The following ATP2B4 variants were observed in gnomAD, a reference collection of about 807,000 sequenced individuals.
ATP2B4 encodes the protein ATPase plasma membrane Ca2+ transporting 4.
Under a neutral mutation model 110.3 loss-of-function variants are expected in ATP2B4, and 39 were observed. The observed-to-expected ratio is 0.35, with a 90% CI of 0.27 to 0.46. The LOEUF (loss-of-function observed/expected upper bound fraction) is 0.46. Ranked by LOEUF, ATP2B4 falls within the 20% of genes least tolerant of loss-of-function variation. The pLI is 1.00. For synonymous variants in ATP2B4, 538 were observed against 571.7 expected, an observed-to-expected ratio of 0.94 and a Z score of 0.84; for missense variants, 1,135 against 1,530.9, an observed-to-expected ratio of 0.74 and a Z score of 4.32.
Position 203,735,027 on chromosome 1 carries a change from G to A in ATP2B4, c.3310-4519G>A, listed in dbSNP as rs1167346424. Among the ~76,000 whole-genome samples the A allele has an allele frequency of 1.5e-3, 176 of 115,584 alleles. 1 individual carries two copies. The highest frequency in any genetic ancestry group is 5.3e-3 in the Middle Eastern group (1 of 188). 75.8% of individuals were successfully genotyped at this position (115,584 alleles called of 152,430 possible). On this transcript the variant is annotated intron_variant, in intron 20 of 20. Coordinates refer to ENST00000357681, the MANE Select transcript of ATP2B4 (RefSeq NM_001684.5). Reference sequence around the variant, plus strand: ...CAAAAAAAAAAAAAAAAAAAAAAACGAAGAAAAAAAATCAATTAGTTCACA... The same window carrying A: ...CAAAAAAAAAAAAAAAAAAAAAAACAAAGAAAAAAAATCAATTAGTTCACA...
At chr1:203,653,705 C>T (rs577823769) in intron 1 of ATP2B4, among the ~76,000 whole-genome samples, 20 of 150,902 alleles carry the variant, frequency 1.3e-4, no homozygotes, top group Non-Finnish European at 2.7e-4. Context: ...TACAGGCACC[C>T]GCCACCACGC....
At position 203,743,329 on chromosome 1, in the gene ATP2B4, C is replaced by T. The variant is rs1667030043; in HGVS notation, c.*3475C>T. The T allele has an allele frequency of 6.6e-6, 1 of 152,584 alleles. No individual in the cohort carries two copies. Among genetic ancestry groups the T allele is most frequent in the Admixed American group, 6.6e-5 (1 of 15,254 alleles). 9.5% of individuals were successfully genotyped at this position (152,584 alleles called of 1,614,324 possible). A position where few individuals can be genotyped will look rare whatever the true frequency, so the allele number is the denominator to read the frequency against. On this transcript the variant is annotated 3_prime_UTR_variant, in exon 21 of 21. Transcript: ENST00000357681. ...CTCACCTTTCATATCTAGGGACCACCCCCGATGCATTGGTGAGGGTGGGCA... is the reference window on the plus strand; with the variant it reads ...CTCACCTTTCATATCTAGGGACCACTCCCGATGCATTGGTGAGGGTGGGCA...
Position 203,742,659 on chromosome 1 carries a change from A to C in ATP2B4, c.*2805A>C, listed in dbSNP as rs1040700395. On this transcript the variant is annotated 3_prime_UTR_variant, in exon 21 of 21. Coordinates refer to ENST00000357681, the MANE Select transcript of ATP2B4 (RefSeq NM_001684.5). ...ATCTTCCCCCCAACCCCCACCATGC[A>C]GATGGATAGACAGAATCTTTCCTGA... The C allele has an allele frequency of 6.6e-6, 1 of 152,600 alleles. No homozygotes were observed. The highest frequency in any genetic ancestry group is 2.4e-5 in the African/African-American group (1 of 41,450). 9.5% of individuals were successfully genotyped at this position (152,600 alleles called of 1,614,324 possible).
chr1:203,711,109 G>A lies in ATP2B4; in HGVS notation c.2031+1G>A, dbSNP rs1330967221. On this transcript the variant is annotated splice_donor_variant, in intron 12 of 20. Coordinates refer to ENST00000357681, the MANE Select transcript of ATP2B4 (RefSeq NM_001684.5). LOFTEE classifies it high-confidence loss of function. ...CATTGAGGACCCTGTGCGCCCAGAG[G>A]TGAGAGGGTGGGAAGCCACCCAGGA... The A allele has an allele frequency of 6.2e-7, 1 of 1,613,846 alleles. No individual in the cohort carries two copies. The highest frequency in any genetic ancestry group is 8.5e-7 in the Non-Finnish European group (1 of 1,179,910).
intron 2 of ATP2B4, among the ~76,000 whole-genome samples, chr1:203,692,670 T>C (rs926554665): frequency 2.6e-5 from 4 of 152,178 alleles, no homozygotes; most frequent in African/African-American, 9.7e-5. Flanking sequence ...ATGTCTACCC[T>C]AGCCCCACCC....
chr1:203,700,619 C>T (rs947438697), intron 5 of ATP2B4, among the ~76,000 whole-genome samples, 179 bp from the exon 6 acceptor site: 8 of 152,206 alleles, frequency 5.3e-5, no homozygotes, highest in African/African-American at 1.9e-4. Flanking sequence ...CCTCCTTACT[C>T]CCAATTTGTC....
intron 1 of ATP2B4, among the ~76,000 whole-genome samples, chr1:203,662,998 T>C (rs1664394419): frequency 6.6e-6 from 1 of 152,218 alleles, no homozygotes; most frequent in Non-Finnish European, 1.5e-5. Context: ...TGCATTTGCT[T>C]GCCTTCCTAG....
chr1:203,720,748 G>A lies in ATP2B4; in HGVS notation c.2598+8G>A. ...GGAGCCTGTATCACTCAGGTGAAGG[G>A]GGTGTGGGTGGGCTGAGACGGGAGG... On this transcript the variant is annotated splice_region_variant and intron_variant, in intron 16 of 20. Transcript: ENST00000357681. The A allele has an allele frequency of 6.2e-7, 1 of 1,606,838 alleles. No homozygotes were observed. Among genetic ancestry groups the A allele is most frequent in the Non-Finnish European group, 8.5e-7 (1 of 1,175,754 alleles).
chr1:203,711,203 A>G, intron 12 of ATP2B4, 95 bp downstream of exon 12: 1 of 1,130,880 alleles, frequency 8.8e-7, no homozygotes, highest in East Asian at 2.4e-5. Context: ...ACTGCCTCTC[A>G]CTTAGAGGGA....
chr1:203,739,745 A>G lies in ATP2B4; in HGVS notation c.3509A>G (p.Asp1170Gly). ...TTTGGGACTAGGGTGCTCCTGTTGG[A>G]TGGTGAGGTCACTCCATATGCCAAT... Reference protein sequence around the residue: ...SKFGTRVLLLDGEVTPYANTN... With the variant: ...SKFGTRVLLLGGEVTPYANTN... Residue 1170 changes from aspartate to glycine, a missense_variant, in exon 21 of 21, where the codon GAT (aspartate) becomes GGT (glycine). Physicochemically the swap from Asp to Gly is moderately conservative, Grantham distance 94. Around this residue, in one of 9 missense-constraint regions of ATP2B4, gnomAD observed 92 missense variants for 82.5 expected, o/e 1.11. Transcript: ENST00000357681. 1 of 1,614,150 alleles carries G rather than the reference A, an allele frequency of 6.2e-7. No individual in the cohort carries two copies. The highest frequency in any genetic ancestry group is 1.3e-5 in the African/African-American group (1 of 75,042).
intron 1 of ATP2B4, among the ~76,000 whole-genome samples, chr1:203,663,910 C>T (rs951614982): frequency 2.0e-5 from 3 of 152,146 alleles, no homozygotes; most frequent in African/African-American, 4.8e-5. Flanking sequence ...AGCCTCTTCT[C>T]TCCAATTTCT....
intron 1 of ATP2B4, among the ~76,000 whole-genome samples, chr1:203,660,378 C>T (rs1016921469): frequency 2.0e-5 from 3 of 152,030 alleles, no homozygotes; most frequent in East Asian, 1.9e-4. Flanking sequence ...GTTGGAAGAT[C>T]GTGAGAATGC....
At chr1:203,690,993 T>G (rs1037865603) in intron 2 of ATP2B4, among the ~76,000 whole-genome samples, 2 of 152,176 alleles carry the variant, frequency 1.3e-5, no homozygotes, top group African/African-American at 4.8e-5. Context: ...AGGCTGTGGG[T>G]TCTCTCTTCC....
chr1:203,713,090 T>G, intron 13 of ATP2B4, 75 bp from the exon 14 acceptor site: 1 of 1,480,416 alleles, frequency 6.8e-7, no homozygotes, highest in Non-Finnish European at 9.4e-7. Flanking sequence ...TGACTCCAAG[T>G]GTATGGAGAA....
chr1:203,723,756 C>T, intron 18 of ATP2B4, 125 bp from the exon 19 acceptor site: 2 of 703,996 alleles, frequency 2.8e-6, no homozygotes, highest in Non-Finnish European at 4.6e-6. Context: ...CCCCTGCAAG[C>T]AAATCGGGAC....
intron 1 of ATP2B4, among the ~76,000 whole-genome samples, chr1:203,640,676 A>C (rs1419958629): frequency 1.3e-5 from 2 of 152,208 alleles, no homozygotes; most frequent in Non-Finnish European, 2.9e-5. Flanking sequence ...AATCGAGCTA[A>C]CATTTATTAT....
Position 203,702,087 on chromosome 1 carries a change from C to T in ATP2B4, c.937+8C>T. 1 of 1,614,050 alleles carries T rather than the reference C, an allele frequency of 6.2e-7. No homozygotes were observed. The highest frequency in any genetic ancestry group is 8.5e-7 in the Non-Finnish European group (1 of 1,179,922). On this transcript the variant is annotated splice_region_variant and intron_variant, in intron 7 of 20. Transcript: ENST00000357681. ...CTGAAAATCGCAACAAAGGTAACCT[C>T]TCCAACTACTCATTTACCATCTCTA...
In ATP2B4 at chr1:203,739,922, G is replaced by A; in HGVS notation, c.*68G>A. 6.7e-7 allele frequency: 1 copy of A among 1,493,838 alleles called. No individual in the cohort carries two copies. The highest frequency in any genetic ancestry group is 9.0e-7 in the Non-Finnish European group (1 of 1,105,544). The allele number at this position is 1,493,838 out of a possible 1,614,324, so 92.5% of individuals were successfully genotyped here. A position where few individuals can be genotyped will look rare whatever the true frequency, so the allele number is the denominator to read the frequency against. The stretch of plus-strand genomic sequence containing the variant: ...TTTTCGTCTATCCCATCTATGAGGT[G>A]ATGATGGGACTTTTCATTGTCACGT... On this transcript the variant is annotated 3_prime_UTR_variant, in exon 21 of 21. Transcript: ENST00000357681.
At chr1:203,688,040 T>G (rs1277059059) in intron 2 of ATP2B4, among the ~76,000 whole-genome samples, 1 of 125,284 alleles carries the variant, frequency 8.0e-6, no homozygotes, top group Non-Finnish European at 1.8e-5. Context: ...TATTATTATT[T>G]TGGGATGGAT....
Sources: gnomAD v4.1 joint callset for allele counts (sites outside exome capture counted in the v4.1 genomes callset) on GRCh38, gnomAD v4.1.1 for gene constraint, gnomAD v4.1.1 regional missense constraint, MANE v1.5 for transcripts, NCBI Gene and HGNC (gene_info 2026-07-23, HGNC 2026-07-21) for gene names.